ZNF761: variants seen among roughly 807,000 people sequenced by gnomAD.
The protein encoded by ZNF761 is zinc finger protein 761.
Under a neutral mutation model 59.9 loss-of-function variants are expected in ZNF761, and 43 were observed. The ratio of observed to expected loss-of-function variants is 0.72; its 90% CI spans 0.56 to 0.92. The LOEUF is 0.92. Ranked by LOEUF, ZNF761 falls within the 40% of genes least tolerant of loss-of-function variation. The probability of loss-of-function intolerance (pLI) is 0.00; values close to 1 mark genes in which losing one functional copy is unlikely to be tolerated. For synonymous variants in ZNF761, 294 were observed against 304.8 expected (o/e 0.96, Z 0.37); for missense variants, 850 against 906.1 (o/e 0.94, Z 0.79).
intron 1 of ZNF761, among the ~76,000 whole-genome samples, chr19:53,434,516 A>G (rs202078384): frequency 0.011 from 1,629 of 152,024 alleles, 30 homozygotes; most frequent in African/African-American, 0.037. Flanking sequence ...GAAGAGAAAC[A>G]GGAGAATGGG....
At chr19:53,441,406 AT>A (rs900789041) in intron 1 of ZNF761, among the ~76,000 whole-genome samples, 3 of 148,472 alleles carry the variant, frequency 2.0e-5, no homozygotes, top group African/African-American at 7.5e-5. Flanking sequence ...TTATTTATTT[AT>A]TTTGCAGTTT....
intron 1 of ZNF761, among the ~76,000 whole-genome samples, chr19:53,435,531 G>A (rs898277708): frequency 1.3e-4 from 20 of 151,550 alleles, no homozygotes; most frequent in African/African-American, 4.9e-4. Context: ...TCGAACTCCC[G>A]ACCTCAGGTG....
Position 53,456,548 on chromosome 19 carries a change from CAT to C in ZNF761, c.2043_2044del (p.His681GlnfsTer10), listed in dbSNP as rs2086274062. ...FSRKSYFICH[H>X]RLHTGEKPYK... ...TCGGAAGTCATATTTTATATGCCAT[CAT>C]AGACTTCATACTGGAGAGAAACCTT... On this transcript the variant is annotated frameshift_variant, in exon 5 of 5. Transcript: ENST00000684525. LOFTEE classifies it high-confidence loss of function. The C allele has an allele frequency of 1.9e-6, 3 of 1,611,748 alleles. No individual in the cohort carries two copies. Among genetic ancestry groups the C allele is most frequent in the Non-Finnish European group, 2.5e-6 (3 of 1,178,554 alleles).
chr19:53,446,728 C>T (rs190396551), intron 2 of ZNF761, among the ~76,000 whole-genome samples: 1 of 152,168 alleles, frequency 6.6e-6, no homozygotes, highest in African/African-American at 2.4e-5. Context: ...AGGCTGGTCT[C>T]AAACTCCTGA....
At position 53,442,785 on chromosome 19, in the gene ZNF761, G is replaced by A. The variant is rs189159044; in HGVS notation, c.-184-3442G>A. ...CACCAAACTGTCTCTGCCTCTTCCTGGAGATTCCAGCTGGGCTAGAGGCTG... is the reference window on the plus strand; with the variant it reads ...CACCAAACTGTCTCTGCCTCTTCCTAGAGATTCCAGCTGGGCTAGAGGCTG... On this transcript the variant is annotated intron_variant, in intron 1 of 4. Coordinates refer to ENST00000684525, the MANE Select transcript of ZNF761 (RefSeq NM_001289951.2). 4.5e-4 allele frequency: 182 copies of A among 401,862 alleles called. 1 individual carries two copies. The highest frequency in any genetic ancestry group is 3.2e-3 in the African/African-American group (146 of 45,990). The allele number at this position is 401,862 out of a possible 1,614,324, so 24.9% of individuals were successfully genotyped here. A position where few individuals can be genotyped will look rare whatever the true frequency, so the allele number is the denominator to read the frequency against.
At chr19:53,437,207 A>G (rs1444693504) in intron 1 of ZNF761, among the ~76,000 whole-genome samples, 1 of 152,008 alleles carries the variant, frequency 6.6e-6, no homozygotes, top group Non-Finnish European at 1.5e-5. Flanking sequence ...AATCCCACCT[A>G]CTAGGGAGGC....
At chr19:53,449,675 C>T (rs1336462972) in intron 4 of ZNF761, 37 bp downstream of exon 4, 1 of 1,592,404 alleles carries the variant, frequency 6.3e-7, no homozygotes, top group South Asian at 1.1e-5. Context: ...GGAATGTGCC[C>T]TTGTGTATCT....
At chr19:53,443,359 A>C (rs1053883001) in intron 1 of ZNF761, 10 of 153,070 alleles carry the variant, frequency 6.5e-5, no homozygotes, top group African/African-American at 2.4e-4. Context: ...GATCAGACCC[A>C]ACACCGGGCT....
chr19:53,454,047 C>T (rs1320938706), intron 4 of ZNF761, among the ~76,000 whole-genome samples: 6 of 151,696 alleles, frequency 4.0e-5, no homozygotes, highest in Admixed American at 2.0e-4. Flanking sequence ...AATCTTGGCT[C>T]ACTGCAACCT....
chr19:53,443,630 G>T (rs1319327087), intron 1 of ZNF761: 1 of 152,150 alleles, frequency 6.6e-6, no homozygotes, highest in Non-Finnish European at 1.5e-5. Flanking sequence ...AGATCATGGG[G>T]AACATATTCT....
At chr19:53,435,639 C>T (rs1361407997) in intron 1 of ZNF761, among the ~76,000 whole-genome samples, 1 of 151,994 alleles carries the variant, frequency 6.6e-6, no homozygotes, top group Non-Finnish European at 1.5e-5. Context: ...TCCTTGTACA[C>T]TCATAATAAG....
chr19:53,449,974 CA>C (rs200688758), intron 4 of ZNF761: 27 of 484,622 alleles, frequency 5.6e-5, no homozygotes, highest in African/African-American at 5.0e-4. Flanking sequence ...AGGTGCCAAC[CA>C]CCATACCTAA....
chr19:53,441,772 T>A (rs1451357311), intron 1 of ZNF761: 1 of 905,806 alleles, frequency 1.1e-6, no homozygotes, highest in Non-Finnish European at 1.7e-6. Flanking sequence ...TTTTCAAAAT[T>A]TCTTTTTTAA....
At chr19:53,445,919 G>T (rs569708678) in intron 1 of ZNF761, among the ~76,000 whole-genome samples, 1 of 152,222 alleles carries the variant, frequency 6.6e-6, no homozygotes, top group East Asian at 1.9e-4. Context: ...CCCTGCCAGT[G>T]TCCAGCCTCC....
chr19:53,447,546 A>G (rs1301680064), intron 3 of ZNF761, among the ~76,000 whole-genome samples: 1 of 152,092 alleles, frequency 6.6e-6, no homozygotes, highest in East Asian at 1.9e-4. Context: ...TGAGGGTCCC[A>G]TGGTGTCAGT....
At chr19:53,435,562 A>C (rs2086032354) in intron 1 of ZNF761, among the ~76,000 whole-genome samples, 1 of 151,936 alleles carries the variant, frequency 6.6e-6, no homozygotes, top group South Asian at 2.1e-4. Flanking sequence ...CGTGGCCTCC[A>C]AAAGGGCTGG....
At chr19:53,433,807 A>G (rs192802733) in intron 1 of ZNF761, among the ~76,000 whole-genome samples, 81 of 152,266 alleles carry the variant, frequency 5.3e-4, no homozygotes, top group African/African-American at 1.9e-3. Context: ...TACTCCTATT[A>G]AGGTTTTGAA....
At chr19:53,448,903 G>C (rs1170327222) in intron 3 of ZNF761, among the ~76,000 whole-genome samples, 1 of 151,870 alleles carries the variant, frequency 6.6e-6, no homozygotes, top group Non-Finnish European at 1.5e-5. Flanking sequence ...CTCCCATGTA[G>C]CTGGGATAAC....
intron 1 of ZNF761, among the ~76,000 whole-genome samples, chr19:53,439,268 C>T (rs1482454034): frequency 1.2e-5 from 1 of 82,870 alleles, no homozygotes; most frequent in African/African-American, 3.9e-5. Context: ...AAGACTCTGA[C>T]TCAAAAAAAA....
Sources: allele counts gnomAD v4.1 joint callset (sites outside exome capture counted in the v4.1 genomes callset), GRCh38; gene constraint gnomAD v4.1.1; transcripts MANE v1.5; gene names NCBI Gene and HGNC (gene_info 2026-07-23, HGNC 2026-07-21).